Variants in ADAMTSL1 observed in about 807,000 individuals in gnomAD.
The protein encoded by ADAMTSL1 is ADAMTS like 1, also known as ADAMTS-like protein 1.
ADAMTSL1 carries 126 observed loss-of-function variants against 201.8 expected under a neutral mutation model. That is an observed-to-expected ratio of 0.62 (90% CI 0.54 to 0.72). The LOEUF (loss-of-function observed/expected upper bound fraction) is 0.72. ADAMTSL1 is among the 30% of genes least tolerant of loss of function. The pLI is 0.00. For missense variants in ADAMTSL1, 2,679 were observed against 2,277.8 expected (o/e 1.18, Z -3.59); for synonymous variants, 1,121 against 903.4 (o/e 1.24, Z -4.32).
At chr9:18,194,613 CA>C (rs761164238) in intron 2 of ADAMTSL1, among the ~76,000 whole-genome samples, 6 of 152,062 alleles carry the variant, frequency 3.9e-5, no homozygotes, top group Non-Finnish European at 8.8e-5. Flanking sequence ...GGTCACCCTC[CA>C]GCATCTTTTT....
At chr9:17,915,533 C>G (rs553375478) in intron 1 of ADAMTSL1, among the ~76,000 whole-genome samples, 2 of 152,124 alleles carry the variant, frequency 1.3e-5, no homozygotes, top group Admixed American at 6.6e-5. Flanking sequence ...CATTTATGTA[C>G]AAGTCTTTGT....
intron 1 of ADAMTSL1, among the ~76,000 whole-genome samples, chr9:17,952,538 G>A (rs189655322): frequency 5.3e-5 from 8 of 152,054 alleles, no homozygotes; most frequent in African/African-American, 1.7e-4. Flanking sequence ...TCTGTGCTTT[G>A]TAGTCTGCTG....
chr9:18,824,082 G>A, intron 21 of ADAMTSL1, among the ~76,000 whole-genome samples: 1 of 152,060 alleles, frequency 6.6e-6, no homozygotes, highest in East Asian at 1.9e-4. Context: ...GAGGAAAAGG[G>A]TTTGCAGGAA....
intron 2 of ADAMTSL1, among the ~76,000 whole-genome samples, chr9:18,452,604 A>G (rs1341436268): frequency 6.6e-6 from 1 of 152,204 alleles, no homozygotes; most frequent in Non-Finnish European, 1.5e-5. Flanking sequence ...TATTAAACTG[A>G]AGTTATCTAA....
chr9:18,248,801 C>T (rs1019556103), intron 2 of ADAMTSL1, among the ~76,000 whole-genome samples: 1 of 152,164 alleles, frequency 6.6e-6, no homozygotes, highest in Non-Finnish European at 1.5e-5. Context: ...CCCTCAATCT[C>T]TCTCTCTCAC....
intron 2 of ADAMTSL1, among the ~76,000 whole-genome samples, chr9:18,185,627 G>C (rs1828698939): frequency 6.6e-6 from 1 of 152,120 alleles, no homozygotes; most frequent in Non-Finnish European, 1.5e-5. Context: ...ATAGCAACGA[G>C]AGAAGAGACA....
intron 3 of ADAMTSL1, among the ~76,000 whole-genome samples, chr9:18,572,053 G>C (rs1361188366): frequency 6.6e-6 from 1 of 152,044 alleles, no homozygotes; most frequent in Admixed American, 6.6e-5. Context: ...AAATGAGCTG[G>C]GTGTGGGGGC....
chr9:18,264,181 T>G (rs1832033595), intron 2 of ADAMTSL1, among the ~76,000 whole-genome samples: 1 of 152,150 alleles, frequency 6.6e-6, no homozygotes. Context: ...TCAATCCAGT[T>G]ATTTATTTAT....
At chr9:18,869,880 A>G (rs1265099684) in intron 23 of ADAMTSL1, among the ~76,000 whole-genome samples, 1 of 152,082 alleles carries the variant, frequency 6.6e-6, no homozygotes, top group East Asian at 1.9e-4. Flanking sequence ...AATATGTTTT[A>G]GTTATTTTCT....
intron 2 of ADAMTSL1, among the ~76,000 whole-genome samples, chr9:18,440,434 A>G (rs1014435248): frequency 1.3e-5 from 2 of 151,930 alleles, no homozygotes; most frequent in African/African-American, 2.4e-5. Context: ...GACAGGGGAG[A>G]TAAGGACCCA....
intron 1 of ADAMTSL1, among the ~76,000 whole-genome samples, chr9:18,055,561 G>A (rs1480544936): frequency 6.6e-6 from 1 of 152,224 alleles, no homozygotes; most frequent in Admixed American, 6.5e-5. Flanking sequence ...AGACCAAAGT[G>A]ATGTTTGCTT....
chr9:18,458,529 T>C (rs760954584), intron 2 of ADAMTSL1, among the ~76,000 whole-genome samples: 3 of 152,216 alleles, frequency 2.0e-5, no homozygotes, highest in Non-Finnish European at 4.4e-5. Context: ...TTCCATAGAC[T>C]TAGGTGTCTT....
At chr9:18,841,400 G>C (rs1485917184) in intron 23 of ADAMTSL1, among the ~76,000 whole-genome samples, 1 of 152,012 alleles carries the variant, frequency 6.6e-6, no homozygotes, top group African/African-American at 2.4e-5. Flanking sequence ...CTTGATCATG[G>C]TGGATAAGCT....
At chr9:18,882,492 AT>A (rs1828591222) in intron 23 of ADAMTSL1, among the ~76,000 whole-genome samples, 1 of 152,138 alleles carries the variant, frequency 6.6e-6, no homozygotes, top group Non-Finnish European at 1.5e-5. Context: ...TGGAACGAGC[AT>A]TTTACTCCAG....
At chr9:18,302,094 T>G (rs997135325) in intron 2 of ADAMTSL1, among the ~76,000 whole-genome samples, 5 of 152,148 alleles carry the variant, frequency 3.3e-5, no homozygotes, top group Admixed American at 3.3e-4. Context: ...TTAAAGCTTG[T>G]CAAAAGGCCC....
rs377323632 is a variant in ADAMTSL1 at position 18,201,200 on chromosome 9, A to C, written c.207+37219A>C. 1.1e-4 allele frequency among the ~76,000 whole-genome samples: 17 copies of C among 152,198 alleles called. No individual in the cohort carries two copies. The East Asian group carries it at 2.7e-3, about 24-fold the overall frequency. The stretch of plus-strand genomic sequence containing the variant: ...AAATTGATTTCCCACAGAGAGTGAA[A>C]TTTGGTCCAGAAATGAATACAGCAC... On this transcript the variant is annotated intron_variant, in intron 2 of 29. Transcript: ENST00000680146.
chr9:18,396,734 GT>G (rs755181222), intron 2 of ADAMTSL1, among the ~76,000 whole-genome samples: 42 of 151,938 alleles, frequency 2.8e-4, no homozygotes, highest in Non-Finnish European at 5.0e-4. Context: ...AACTCTCAAG[GT>G]TTAACCACTC....
At chr9:18,529,270 C>A (rs950505845) in intron 2 of ADAMTSL1, among the ~76,000 whole-genome samples, 7 of 152,178 alleles carry the variant, frequency 4.6e-5, no homozygotes, top group African/African-American at 1.7e-4. Context: ...ACGGATTTAC[C>A]AGAATTGAGA....
At chr9:18,486,252 C>A (rs17207294) in intron 1 of ADAMTSL1, among the ~76,000 whole-genome samples, 11,806 of 152,284 alleles carry the variant, frequency 0.078, 625 homozygotes, top group Non-Finnish European at 0.12. Flanking sequence ...TATTCGGGAA[C>A]AACCAATGTA....
Sources: gnomAD v4.1 joint callset for allele counts (sites outside exome capture counted in the v4.1 genomes callset) on GRCh38, gnomAD v4.1.1 for gene constraint, MANE v1.5 for transcripts, NCBI Gene and HGNC (gene_info 2026-07-23, HGNC 2026-07-21) for gene names.